FBXW11: variants seen among roughly 807,000 people sequenced by gnomAD.
FBXW11 encodes F-box/WD repeat-containing protein 11.
FBXW11 carries 19 observed loss-of-function variants against 77.6 expected under a neutral mutation model. The ratio of observed to expected loss-of-function variants is 0.24; its 90% confidence interval spans 0.17 to 0.36. FBXW11 has a LOEUF of 0.36. Ranked by LOEUF, FBXW11 falls within the 10% of genes least tolerant of loss-of-function variation. The pLI is 1.00. For missense variants in FBXW11, 334 were observed against 704.2 expected, an observed-to-expected ratio of 0.47 and a Z score of 5.95; for synonymous variants, 235 against 249.4, an observed-to-expected ratio of 0.94 and a Z score of 0.54.
At chr5:172,003,754 C>T (rs1035491346) in intron 1 of FBXW11, among the ~76,000 whole-genome samples, 7 of 152,142 alleles carry the variant, frequency 4.6e-5, no homozygotes, top group Admixed American at 1.3e-4. Context: ...CTATCACCAG[C>T]TTTATTTCCT....
At chr5:171,976,656 C>G (rs182826167) in intron 1 of FBXW11, among the ~76,000 whole-genome samples, 50 of 152,242 alleles carry the variant, frequency 3.3e-4, no homozygotes, top group African/African-American at 1.2e-3. Context: ...CTCTCTCACG[C>G]CCTTCCATCT....
intron 7 of FBXW11, among the ~76,000 whole-genome samples, chr5:171,878,596 G>GAGAC (rs746293208): frequency 7.4e-6 from 1 of 134,546 alleles, no homozygotes; most frequent in South Asian, 2.4e-4. Context: ...GTGTGTAAGA[G>GAGAC]AGAGAGAGTG....
At chr5:171,897,590 G>A (rs1759829276) in intron 6 of FBXW11, among the ~76,000 whole-genome samples, 1 of 152,140 alleles carries the variant, frequency 6.6e-6, no homozygotes, top group African/African-American at 2.4e-5. Context: ...GCAGTCATGA[G>A]GATTCAATCA....
intron 1 of FBXW11, among the ~76,000 whole-genome samples, chr5:171,967,445 AAAG>A (rs981208513): frequency 2.6e-5 from 4 of 152,236 alleles, no homozygotes; most frequent in Admixed American, 6.5e-5. Context: ...TAATGCATAG[AAAG>A]AAAGTTACAA....
chr5:171,956,241 G>A (rs1406960518), intron 2 of FBXW11, among the ~76,000 whole-genome samples: 2 of 152,134 alleles, frequency 1.3e-5, no homozygotes, highest in African/African-American at 4.8e-5. Flanking sequence ...GCATCAAGGA[G>A]AGCACATGCA....
intron 7 of FBXW11, among the ~76,000 whole-genome samples, chr5:171,883,803 T>C (rs1000456010): frequency 1.3e-5 from 2 of 152,254 alleles, no homozygotes; most frequent in East Asian, 1.9e-4. Context: ...GTATATCTTC[T>C]TTTGAGAATT....
chr5:171,876,145 G>T lies in FBXW11; in HGVS notation c.1221+140C>A. 1.0e-6 allele frequency: 1 copy of T among 955,290 alleles called. No individual in the cohort carries two copies. The highest frequency in any genetic ancestry group is 1.6e-6 in the Non-Finnish European group (1 of 633,184). The allele number at this position is 955,290 out of a possible 1,614,324, so 59.2% of individuals were successfully genotyped here. On this transcript the variant is annotated intron_variant, in intron 9 of 13. Transcript: ENST00000517395. The surrounding 1 kb of genome is among the most constrained non-coding windows in gnomAD (Gnocchi z 4.2). Reference sequence around the variant, plus strand: ...GCCTACAACTCTACAGATATACAGAGTGGGATGGCCTCAAGGGTTCATAAG... The same window carrying T: ...GCCTACAACTCTACAGATATACAGATTGGGATGGCCTCAAGGGTTCATAAG...
At chr5:171,885,903 T>A (rs1489291309) in intron 7 of FBXW11, among the ~76,000 whole-genome samples, 1 of 152,202 alleles carries the variant, frequency 6.6e-6, no homozygotes, top group Non-Finnish European at 1.5e-5. Flanking sequence ...TGATTAGTGA[T>A]CAAGGATTGG....
At chr5:171,872,248 ATCTT>A (rs1757798556) in intron 10 of FBXW11, among the ~76,000 whole-genome samples, 1 of 152,168 alleles carries the variant, frequency 6.6e-6, no homozygotes, top group East Asian at 1.9e-4. Context: ...CTTGAATCCT[ATCTT>A]TATTTTGACC....
chr5:172,006,139 G>A (rs1175181058), intron 1 of FBXW11, among the ~76,000 whole-genome samples: 1 of 152,250 alleles, frequency 6.6e-6, no homozygotes, highest in African/African-American at 2.4e-5. Flanking sequence ...AAAAGAAGGA[G>A]AATGGGGTGC....
In FBXW11 at chr5:171,876,087, C is replaced by G. The variant is rs918441307; in HGVS notation, c.1221+198G>C. On this transcript the variant is annotated intron_variant, in intron 9 of 13. Transcript: ENST00000517395. This position sits in a 1 kb window ranked among gnomAD's most constrained non-coding sequence, Gnocchi z 4.2. ...ATGTCATGAAACAGAAGACTGTTCTCTCTTCTGGACCGATGGCTTTTCCTC... is the reference window on the plus strand; with the variant it reads ...ATGTCATGAAACAGAAGACTGTTCTGTCTTCTGGACCGATGGCTTTTCCTC... Among the ~76,000 whole-genome samples, 2 of 152,214 alleles carry G rather than the reference C, an allele frequency of 1.3e-5. No individual in the cohort carries two copies. The highest frequency in any genetic ancestry group is 3.8e-4 in the East Asian group (2 of 5,196).
chr5:171,908,680 A>C (rs1469739631), intron 4 of FBXW11: 1 of 152,220 alleles, frequency 6.6e-6, no homozygotes, highest in Non-Finnish European at 1.5e-5. Context: ...AAATATCCTT[A>C]AAACTCCCAT....
At chr5:171,953,891 C>T (rs1218948241) in intron 2 of FBXW11, among the ~76,000 whole-genome samples, 1 of 152,124 alleles carries the variant, frequency 6.6e-6, no homozygotes, top group African/African-American at 2.4e-5. Flanking sequence ...ATTCTCAGAC[C>T]ACTGTGGCTC....
At chr5:171,927,083 T>C (rs757692592) in intron 2 of FBXW11, among the ~76,000 whole-genome samples, 7 of 152,222 alleles carry the variant, frequency 4.6e-5, no homozygotes, top group Non-Finnish European at 8.8e-5. Context: ...GTAAAGCTTT[T>C]AGAAGAAGCC....
intron 2 of FBXW11, among the ~76,000 whole-genome samples, chr5:171,917,518 T>C (rs1339411102): frequency 6.6e-6 from 1 of 152,186 alleles, no homozygotes; most frequent in Non-Finnish European, 1.5e-5. Context: ...ACATACAATT[T>C]AATAAAATTG....
At position 171,891,517 on chromosome 5, in the gene FBXW11, G is replaced by A; in HGVS notation, c.802C>T (p.Gln268Ter). Residue 268 changes from glutamine (Q) to a stop codon, truncating the protein, a stop_gained, in exon 7 of 14, where the codon CAG becomes TAG. Transcript: ENST00000517395. LOFTEE classifies it high-confidence loss of function. ...CTGATAATTTTTTCATCATCGTACT[G>A]TAAACAGTAGACACCTTTACTATTT... ...SENSKGVYCLQYDDEKIISGL... is the reference protein window; with the variant it reads ...SENSKGVYCL The A allele has an allele frequency of 6.2e-7, 1 of 1,609,534 alleles. No homozygotes were observed. Among genetic ancestry groups the A allele is most frequent in the Non-Finnish European group, 8.5e-7 (1 of 1,178,450 alleles).
chr5:171,918,243 G>A (rs1464700412), intron 2 of FBXW11, among the ~76,000 whole-genome samples: 1 of 151,864 alleles, frequency 6.6e-6, no homozygotes, highest in Non-Finnish European at 1.5e-5. Flanking sequence ...AACACTTTTG[G>A]TCCCAAGCAG....
At chr5:171,946,603 G>A (rs1763021768) in intron 2 of FBXW11, among the ~76,000 whole-genome samples, 1 of 151,906 alleles carries the variant, frequency 6.6e-6, no homozygotes. Flanking sequence ...GGGGCTTGTT[G>A]TACACTTGCT....
chr5:171,885,905 A>G (rs1395066339), intron 7 of FBXW11, among the ~76,000 whole-genome samples: 1 of 152,222 alleles, frequency 6.6e-6, no homozygotes. Flanking sequence ...ATTAGTGATC[A>G]AGGATTGGTG....
Sources: allele counts gnomAD v4.1 joint callset (sites outside exome capture counted in the v4.1 genomes callset), GRCh38; gene constraint gnomAD v4.1.1; non-coding constraint Gnocchi (gnomAD v3.1); transcripts MANE v1.5; gene names NCBI Gene and HGNC (gene_info 2026-07-23, HGNC 2026-07-21).